SLC24A3: variants seen among roughly 807,000 people sequenced by gnomAD.
SLC24A3 encodes sodium/potassium/calcium exchanger 3.
In SLC24A3, 28 loss-of-function variants were observed where a neutral mutation model predicts 75.8. The ratio of observed to expected loss-of-function variants is 0.37; its 90% confidence interval spans 0.27 to 0.51. The LOEUF is 0.51. SLC24A3 is among the 20% of genes least tolerant of loss of function. The probability of loss-of-function intolerance (pLI) is 0.94; values close to 1 mark genes in which losing one functional copy is unlikely to be tolerated. For missense variants in SLC24A3, 663 were observed against 847.8 expected, an observed-to-expected ratio of 0.78 and a Z score of 2.71; for synonymous variants, 372 against 334.1, an observed-to-expected ratio of 1.11 and a Z score of -1.24.
intron 13 of SLC24A3, chr20:19,696,584 G>A (rs1320187413): frequency 2.2e-6 from 1 of 453,814 alleles, no homozygotes; most frequent in Non-Finnish European, 3.9e-6. Context: ...TTGTTGGAAA[G>A]TTTGGGTCCT....
intron 7 of SLC24A3, among the ~76,000 whole-genome samples, chr20:19,657,294 T>G (rs1383306812): frequency 6.6e-6 from 1 of 152,188 alleles, no homozygotes; most frequent in Non-Finnish European, 1.5e-5. Flanking sequence ...TTCCTCCAAC[T>G]TTAGTCTACA....
chr20:19,242,812 C>T (rs573628902), intron 1 of SLC24A3, among the ~76,000 whole-genome samples: 1 of 152,226 alleles, frequency 6.6e-6, no homozygotes, highest in Admixed American at 6.5e-5. Flanking sequence ...GTCGATTGAA[C>T]CTACTAGACA....
chr20:19,384,870 A>T (rs1986245723), intron 2 of SLC24A3, among the ~76,000 whole-genome samples: 1 of 152,176 alleles, frequency 6.6e-6, no homozygotes, highest in Non-Finnish European at 1.5e-5. Context: ...GTGAATAATC[A>T]TCCTAATAGG....
At chr20:19,576,279 A>C (rs2031133137) in intron 3 of SLC24A3, among the ~76,000 whole-genome samples, 1 of 152,228 alleles carries the variant, frequency 6.6e-6, no homozygotes. Flanking sequence ...TTACTCTATT[A>C]AAACTATTTG....
At position 19,411,902 on chromosome 20, in the gene SLC24A3, A is replaced by G. The variant is rs143845869; in HGVS notation, c.272-103586A>G. ...GGTGAACTTCCTTTGTGTTCATCTCAGGACTGTCGGCATGTCAGAAATTCA... is the reference window on the plus strand; with the variant it reads ...GGTGAACTTCCTTTGTGTTCATCTCGGGACTGTCGGCATGTCAGAAATTCA... On this transcript the variant is annotated intron_variant, in intron 2 of 16. Transcript: ENST00000328041. 6.5e-3 allele frequency among the ~76,000 whole-genome samples: 991 copies of G among 152,284 alleles called. 13 individuals are homozygous for G. Among genetic ancestry groups the G allele is most frequent in the African/African-American group, 0.023 (947 of 41,554 alleles).
chr20:19,553,314 T>C (rs1400845578), intron 3 of SLC24A3, among the ~76,000 whole-genome samples: 2 of 152,168 alleles, frequency 1.3e-5, no homozygotes, highest in Non-Finnish European at 2.9e-5. Context: ...ATGTAGGTGA[T>C]GCCCAGTATT....
chr20:19,635,141 A>C (rs770091410), intron 6 of SLC24A3, among the ~76,000 whole-genome samples: 3 of 152,212 alleles, frequency 2.0e-5, no homozygotes, highest in Non-Finnish European at 4.4e-5. Flanking sequence ...ACCTCCCCTG[A>C]CTACAAGCTC....
intron 2 of SLC24A3, among the ~76,000 whole-genome samples, chr20:19,356,089 G>A (rs892008183): frequency 4.6e-5 from 7 of 152,144 alleles, no homozygotes; most frequent in African/African-American, 1.7e-4. Flanking sequence ...TCACTGAGAT[G>A]AGTGACCTGT....
intron 2 of SLC24A3, among the ~76,000 whole-genome samples, chr20:19,492,656 TCC>T (rs1292993488): frequency 1.3e-5 from 2 of 152,192 alleles, no homozygotes; most frequent in Non-Finnish European, 2.9e-5. Flanking sequence ...ATCCACATAC[TCC>T]CTGGAGAATT....
intron 3 of SLC24A3, 146 bp from the exon 4 acceptor site, chr20:19,579,854 G>A (rs893151754): frequency 3.2e-6 from 2 of 627,990 alleles, no homozygotes; most frequent in Admixed American, 5.3e-5. Flanking sequence ...TCACAGGAGA[G>A]TGTTGTGGGC....
chr20:19,237,763 C>G (rs985579780), intron 1 of SLC24A3, among the ~76,000 whole-genome samples: 3 of 152,310 alleles, frequency 2.0e-5, no homozygotes, highest in African/African-American at 7.2e-5. Flanking sequence ...ATGCAGCTCT[C>G]ATGAGGGGCT....
At chr20:19,496,709 C>T (rs112111738) in intron 2 of SLC24A3, among the ~76,000 whole-genome samples, 2,252 of 152,206 alleles carry the variant, frequency 0.015, 66 homozygotes, top group African/African-American at 0.052. Flanking sequence ...AAGAAGGGCA[C>T]GGTGTCAAGC....
At chr20:19,507,927 G>T (rs1600258108) in intron 2 of SLC24A3, among the ~76,000 whole-genome samples, 1 of 152,156 alleles carries the variant, frequency 6.6e-6, no homozygotes. Flanking sequence ...CAGCCTGGTG[G>T]GTGCTGATGA....
intron 6 of SLC24A3, among the ~76,000 whole-genome samples, chr20:19,646,239 G>A (rs182094994): frequency 6.6e-6 from 1 of 152,052 alleles, no homozygotes; most frequent in African/African-American, 2.4e-5. Context: ...AATAAGTATG[G>A]TTACTAGGTT....
At chr20:19,720,654 T>C (rs924140587) in intron 16 of SLC24A3, among the ~76,000 whole-genome samples, 7 of 151,858 alleles carry the variant, frequency 4.6e-5, no homozygotes, top group Non-Finnish European at 1.0e-4. Context: ...TAAAGCAAGA[T>C]GGGGAAGGCC....
chr20:19,364,877 C>CATTAT (rs1177937705), intron 2 of SLC24A3, among the ~76,000 whole-genome samples: 1 of 152,002 alleles, frequency 6.6e-6, no homozygotes, highest in African/African-American at 2.4e-5. Flanking sequence ...GAAACTAGGC[C>CATTAT]CTACCAGAAA....
At chr20:19,379,480 G>T (rs1010002048) in intron 2 of SLC24A3, among the ~76,000 whole-genome samples, 2 of 152,118 alleles carry the variant, frequency 1.3e-5, no homozygotes, top group African/African-American at 2.4e-5. Flanking sequence ...TGATAAGCCC[G>T]AGTCTCACCA....
chr20:19,708,684 C>T (rs1286556333), intron 15 of SLC24A3, among the ~76,000 whole-genome samples: 1 of 152,196 alleles, frequency 6.6e-6, no homozygotes, highest in African/African-American at 2.4e-5. Flanking sequence ...CTAGGGTCTC[C>T]TACAAACTAT....
chr20:19,357,547 C>T (rs1458792463), intron 2 of SLC24A3, among the ~76,000 whole-genome samples: 1 of 152,046 alleles, frequency 6.6e-6, no homozygotes, highest in African/African-American at 2.4e-5. Flanking sequence ...TATGTTTTGT[C>T]CATGGCTTGT....
Sources: allele counts gnomAD v4.1 joint callset (sites outside exome capture counted in the v4.1 genomes callset), GRCh38; gene constraint gnomAD v4.1.1; transcripts MANE v1.5; gene names NCBI Gene and HGNC (gene_info 2026-07-23, HGNC 2026-07-21).